MAD1L1: variants seen among roughly 807,000 people sequenced by gnomAD.
MAD1L1 encodes mitotic arrest deficient 1 like 1, also known as mitotic spindle assembly checkpoint protein MAD1.
MAD1L1 carries 95 observed loss-of-function variants against 96.9 expected under a neutral mutation model. That is an observed-to-expected ratio of 0.98 (90% CI 0.83 to 1.16). MAD1L1 has a LOEUF of 1.16. Ranked by LOEUF, MAD1L1 falls within the 50% of genes most tolerant of loss-of-function variation. MAD1L1 has a pLI of 0.00. For missense variants in MAD1L1, 1,007 were observed against 954.4 expected (o/e 1.06, Z -0.73); for synonymous variants, 473 against 396.6 (o/e 1.19, Z -2.29).
In MAD1L1 at chr7:1,815,810, T is replaced by G; in HGVS notation, c.*260A>C. The G allele has an allele frequency of 2.0e-6, 1 of 493,444 alleles. No individual in the cohort carries two copies. Among genetic ancestry groups the G allele is most frequent in the Non-Finnish European group, 3.6e-6 (1 of 274,528 alleles). The allele number at this position is 493,444 out of a possible 1,614,324, so 30.6% of individuals were successfully genotyped here. On this transcript the variant is annotated 3_prime_UTR_variant, in exon 19 of 19. Coordinates refer to ENST00000265854, the MANE Select transcript of MAD1L1 (RefSeq NM_001013836.2). Reference sequence around the variant, plus strand: ...AGTGGGAGTGTCTAGGGGAGAAGATTTTATTTCACAAGGTGAGGAACCCAG... The same window carrying G: ...AGTGGGAGTGTCTAGGGGAGAAGATGTTATTTCACAAGGTGAGGAACCCAG...
At chr7:1,980,822 G>C (rs1780870522) in intron 14 of MAD1L1, 1 of 558,188 alleles carries the variant, frequency 1.8e-6, no homozygotes, top group South Asian at 1.6e-5. Flanking sequence ...AGAGTCTCTG[G>C]AGAGTGGACA....
intron 10 of MAD1L1, among the ~76,000 whole-genome samples, chr7:2,205,408 A>C (rs767263635): frequency 1.3e-5 from 2 of 152,128 alleles, no homozygotes; most frequent in Admixed American, 1.3e-4. Flanking sequence ...GGTCTTTGGG[A>C]TATTTTTCAG....
At chr7:2,210,981 A>G (rs1173742670) in intron 10 of MAD1L1, among the ~76,000 whole-genome samples, 2 of 152,200 alleles carry the variant, frequency 1.3e-5, no homozygotes, top group African/African-American at 4.8e-5. Flanking sequence ...AATAAAGAGA[A>G]CACTGGCCCA....
At chr7:2,181,960 TA>T (rs1317168408) in intron 10 of MAD1L1, among the ~76,000 whole-genome samples, 1 of 152,036 alleles carries the variant, frequency 6.6e-6, no homozygotes, top group Non-Finnish European at 1.5e-5. Context: ...CATCCTCACT[TA>T]TAAGTGGAAG....
chr7:1,818,563 G>C (rs995072880), intron 18 of MAD1L1, among the ~76,000 whole-genome samples: 1 of 151,954 alleles, frequency 6.6e-6, no homozygotes, highest in Admixed American at 6.6e-5. Flanking sequence ...ATTTTTTTGA[G>C]AGATAGATAG....
Position 2,088,196 on chromosome 7 carries a change from G to A in MAD1L1, c.1074-18858C>T, listed in dbSNP as rs143937321. 3.4e-3 allele frequency among the ~76,000 whole-genome samples: 516 copies of A among 152,292 alleles called. 6 individuals carry two copies. The highest frequency in any genetic ancestry group is 0.012 in the African/African-American group (494 of 41,548). Reference sequence around the variant, plus strand: ...AGTGGACGAGGTCGGGCAGCAAAGCGACCTTGGATCACACATCGCGCCTCT... The same window carrying A: ...AGTGGACGAGGTCGGGCAGCAAAGCAACCTTGGATCACACATCGCGCCTCT... On this transcript the variant is annotated intron_variant, in intron 11 of 18. Coordinates refer to ENST00000265854, the MANE Select transcript of MAD1L1 (RefSeq NM_001013836.2). This position sits in a 1 kb window ranked among gnomAD's most constrained non-coding sequence, Gnocchi z 4.4.
At position 2,175,779 on chromosome 7, in the gene MAD1L1, G is replaced by A. The variant is rs531623228; in HGVS notation, c.987-26541C>T. ...TCCTCCTGAAGCCCTGGTCCCTTCC[G>A]TCCAGGCCATCCCACACAATCACCC... is the stretch of plus-strand genomic sequence containing the variant. On this transcript the variant is annotated intron_variant, in intron 10 of 18. Coordinates refer to ENST00000265854, the MANE Select transcript of MAD1L1 (RefSeq NM_001013836.2). Among the ~76,000 whole-genome samples the A allele has an allele frequency of 4.6e-5, 7 of 152,168 alleles. No homozygotes were observed. In the East Asian group the frequency reaches 9.7e-4, roughly 21 times the overall value.
At chr7:1,984,195 C>T (rs893756678) in intron 14 of MAD1L1, among the ~76,000 whole-genome samples, 5 of 152,128 alleles carry the variant, frequency 3.3e-5, no homozygotes, top group African/African-American at 1.2e-4. Context: ...GTGTTTTGTT[C>T]TGTTTGGGTT....
At chr7:2,181,779 C>T (rs987860274) in intron 10 of MAD1L1, among the ~76,000 whole-genome samples, 1 of 152,142 alleles carries the variant, frequency 6.6e-6, no homozygotes, top group South Asian at 2.1e-4. Flanking sequence ...GCCTAAATGC[C>T]CATCAACCGA....
At chr7:1,868,696 C>A (rs1784898074) in intron 18 of MAD1L1, among the ~76,000 whole-genome samples, 1 of 152,228 alleles carries the variant, frequency 6.6e-6, no homozygotes, top group Non-Finnish European at 1.5e-5. Flanking sequence ...GTGTTCACAG[C>A]CTTAACCAGA....
intron 18 of MAD1L1, among the ~76,000 whole-genome samples, chr7:1,820,216 TAAA>T (rs550316624): frequency 6.6e-6 from 1 of 151,622 alleles, no homozygotes; most frequent in Non-Finnish European, 1.5e-5. Context: ...TCGAAGGAAA[TAAA>T]AAAGAGAACA....
intron 10 of MAD1L1, chr7:2,175,444 A>G (rs1336507001): frequency 6.7e-6 from 1 of 150,000 alleles, no homozygotes; most frequent in East Asian, 2.0e-4. Context: ...CAGCTTCTGA[A>G]ATAGGAATGC....
At chr7:1,891,467 A>T (rs973038502) in intron 18 of MAD1L1, among the ~76,000 whole-genome samples, 1 of 152,308 alleles carries the variant, frequency 6.6e-6, no homozygotes, top group Middle Eastern at 3.4e-3. Flanking sequence ...CAGAGGTTGC[A>T]GTGAGCCGAA....
chr7:1,828,196 G>C (rs2128625051), intron 18 of MAD1L1, among the ~76,000 whole-genome samples: 1 of 152,274 alleles, frequency 6.6e-6, no homozygotes, highest in Non-Finnish European at 1.5e-5. Context: ...CCTGCCATCT[G>C]AAACAGCCAG....
At chr7:1,883,703 G>T (rs1242690632) in intron 18 of MAD1L1, among the ~76,000 whole-genome samples, 1 of 152,210 alleles carries the variant, frequency 6.6e-6, no homozygotes, top group African/African-American at 2.4e-5. Context: ...CTGATTTCAC[G>T]GAGGCCGAGG....
At chr7:1,889,729 C>T (rs1212749028) in intron 18 of MAD1L1, among the ~76,000 whole-genome samples, 1 of 152,262 alleles carries the variant, frequency 6.6e-6, no homozygotes, top group East Asian at 1.9e-4. Context: ...GTCCCCTCTG[C>T]AGGCCGGATG....
intron 11 of MAD1L1, among the ~76,000 whole-genome samples, chr7:2,082,737 A>G (rs1785716275): frequency 6.6e-6 from 1 of 152,246 alleles, no homozygotes; most frequent in African/African-American, 2.4e-5. Flanking sequence ...CGATAGCCCA[A>G]TTAGCAGCTC....
intron 11 of MAD1L1, among the ~76,000 whole-genome samples, chr7:2,126,006 GT>G (rs1696730882): frequency 6.6e-6 from 1 of 152,254 alleles, no homozygotes. Context: ...CTGGAGAGGG[GT>G]CATCTTCCAT....
At position 1,824,237 on chromosome 7, in the gene MAD1L1, T is replaced by G. The variant is rs184084849; in HGVS notation, c.1999-8009A>C. ...CCTCCCCTCTTACACCACCTGCTTG[T>G]GCGGGCCTGGTGGCAGAGCTGCCGA... On this transcript the variant is annotated intron_variant, in intron 18 of 18. Coordinates refer to ENST00000265854, the MANE Select transcript of MAD1L1 (RefSeq NM_001013836.2). 1.2e-3 allele frequency among the ~76,000 whole-genome samples: 186 copies of G among 152,198 alleles called. 1 individual carries two copies. The highest frequency in any genetic ancestry group is 2.3e-3 in the Non-Finnish European group (154 of 68,008).
Sources: allele counts gnomAD v4.1 joint callset (sites outside exome capture counted in the v4.1 genomes callset), GRCh38; gene constraint gnomAD v4.1.1; non-coding constraint Gnocchi (gnomAD v3.1); transcripts MANE v1.5; gene names NCBI Gene and HGNC (gene_info 2026-07-23, HGNC 2026-07-21).